PCDH15: variants seen among roughly 807,000 people sequenced by gnomAD.
PCDH15 encodes the protein protocadherin-15.
In PCDH15, 129 loss-of-function variants were observed where a neutral mutation model predicts 178.5. That is an observed-to-expected ratio of 0.72 (90% confidence interval 0.63 to 0.84). The LOEUF is 0.84. Among genes scored for constraint, PCDH15 ranks in the 40% least tolerant of loss-of-function variants. The pLI, the probability that PCDH15 is intolerant of heterozygous loss-of-function variation, is 0.00. For synonymous variants in PCDH15, 800 were observed against 732.0 expected, an observed-to-expected ratio of 1.09 and a Z score of -1.50; for missense variants, 2,230 against 2,099.9, an observed-to-expected ratio of 1.06 and a Z score of -1.21.
chr10:54,024,599 T>C (rs2093026836), intron 18 of PCDH15, among the ~76,000 whole-genome samples: 1 of 152,168 alleles, frequency 6.6e-6, no homozygotes, highest in Non-Finnish European at 1.5e-5. Context: ...GCAGGATTTG[T>C]CTCTTTGACT....
intron 5 of PCDH15, among the ~76,000 whole-genome samples, chr10:54,351,574 T>C (rs1944188754): frequency 1.3e-5 from 2 of 152,164 alleles, no homozygotes; most frequent in Admixed American, 6.6e-5. Context: ...TATTTTAATA[T>C]ACTAAATCCT....
intron 2 of PCDH15, among the ~76,000 whole-genome samples, chr10:55,108,551 G>A (rs1206685497): frequency 1.3e-5 from 2 of 152,042 alleles, no homozygotes; most frequent in Non-Finnish European, 2.9e-5. Context: ...TAGTATTATG[G>A]TGTGTGATTA....
intron 8 of PCDH15, among the ~76,000 whole-genome samples, chr10:54,305,892 C>T (rs2133359027): frequency 6.6e-6 from 1 of 151,498 alleles, no homozygotes; most frequent in East Asian, 1.9e-4. Flanking sequence ...TGATAAAGGA[C>T]AGAAAAAAGA....
intron 2 of PCDH15, among the ~76,000 whole-genome samples, chr10:54,589,500 A>G (rs2133912590): frequency 6.6e-6 from 1 of 152,234 alleles, no homozygotes; most frequent in Non-Finnish European, 1.5e-5. Context: ...TTGGCATATT[A>G]TATGAACTCT....
chr10:55,436,949 A>C (rs1025122732), intron 2 of PCDH15, among the ~76,000 whole-genome samples: 2 of 152,214 alleles, frequency 1.3e-5, no homozygotes, highest in Non-Finnish European at 2.9e-5. Context: ...GATTTCTGTC[A>C]CATCTTAATT....
At chr10:53,982,593 T>C (rs1333478210) in intron 21 of PCDH15, among the ~76,000 whole-genome samples, 1 of 144,910 alleles carries the variant, frequency 6.9e-6, no homozygotes, top group Non-Finnish European at 1.5e-5. Flanking sequence ...CACCGCATGT[T>C]CTCACTCATA....
intron 3 of PCDH15, among the ~76,000 whole-genome samples, chr10:54,861,963 C>A (rs2131781237): frequency 6.6e-6 from 1 of 152,194 alleles, no homozygotes; most frequent in South Asian, 2.1e-4. Flanking sequence ...TTAGGAGTAT[C>A]CTTGACAAGA....
At chr10:54,231,319 T>C (rs1297817726) in intron 9 of PCDH15, among the ~76,000 whole-genome samples, 3 of 152,228 alleles carry the variant, frequency 2.0e-5, no homozygotes, top group African/African-American at 7.2e-5. Context: ...CTTGGCAGCT[T>C]CCATGTGATG....
rs1476201833 is a variant in PCDH15, at chr10:54,904,992, C to T, written c.-79-7492G>A. Reference sequence around the variant, plus strand: ...CTATGTATCAGGCATTCTCTATTACCTATTTTCGTTCTGGCCACACAACTA... The same window carrying T: ...CTATGTATCAGGCATTCTCTATTACTTATTTTCGTTCTGGCCACACAACTA... On this transcript the variant is annotated intron_variant, in intron 2 of 5. Coordinates refer to the PCDH15 transcript ENST00000458638. Among the ~76,000 whole-genome samples, 4 of 151,658 alleles carry T rather than the reference C, an allele frequency of 2.6e-5. No homozygotes were observed. In the Admixed American group the frequency reaches 2.6e-4, roughly 10 times the overall value.
intron 2 of PCDH15, among the ~76,000 whole-genome samples, chr10:55,060,504 G>T (rs1462030823): frequency 6.6e-6 from 1 of 151,862 alleles, no homozygotes; most frequent in Non-Finnish European, 1.5e-5. Flanking sequence ...CTAATTTTGT[G>T]AAAGGACCAA....
In PCDH15 at chr10:55,273,089, T is replaced by C. The variant is rs754825690; in HGVS notation, c.-156+46510A>G. ...TGGTGATACTGATTTCAAAGTTGAA[T>C]GAAAAACTGTGAAAGAATGTTCCTG... On this transcript the variant is annotated intron_variant, in intron 1 of 5. Transcript: ENST00000458638. Among the ~76,000 whole-genome samples, 80 of 152,094 alleles carry C rather than the reference T, an allele frequency of 5.3e-4. 1 individual carries two copies. Among genetic ancestry groups the C allele is most frequent in the Non-Finnish European group, 5.6e-4 (38 of 68,018 alleles).
At chr10:55,119,527 T>C (rs1395931991) in intron 2 of PCDH15, among the ~76,000 whole-genome samples, 1 of 131,732 alleles carries the variant, frequency 7.6e-6, no homozygotes, top group Non-Finnish European at 1.5e-5. Context: ...ACCTAATTAA[T>C]TGCACCTGGA....
At chr10:54,847,320 G>T (rs935290315) in intron 3 of PCDH15, among the ~76,000 whole-genome samples, 1 of 152,042 alleles carries the variant, frequency 6.6e-6, no homozygotes, top group Non-Finnish European at 1.5e-5. Flanking sequence ...ATTTTAGAAT[G>T]TTACTTTGAG....
intron 3 of PCDH15, among the ~76,000 whole-genome samples, chr10:54,838,437 A>G (rs899492498): frequency 6.6e-6 from 1 of 152,062 alleles, no homozygotes; most frequent in Non-Finnish European, 1.5e-5. Flanking sequence ...CTTCTCCTTC[A>G]TCTTCTGCCA....
chr10:55,194,723 A>T (rs1164703232), intron 1 of PCDH15, among the ~76,000 whole-genome samples: 2 of 152,048 alleles, frequency 1.3e-5, no homozygotes, highest in African/African-American at 4.8e-5. Flanking sequence ...ATACCAAATA[A>T]CTAGACATAT....
chr10:53,890,805 A>G (rs955955457), intron 26 of PCDH15, among the ~76,000 whole-genome samples: 1 of 152,190 alleles, frequency 6.6e-6, no homozygotes, highest in Non-Finnish European at 1.5e-5. Flanking sequence ...AGTCTCTGCA[A>G]TTCTCAGATT....
intron 2 of PCDH15, among the ~76,000 whole-genome samples, chr10:55,481,965 T>C (rs1840191055): frequency 6.6e-6 from 1 of 151,756 alleles, no homozygotes. Flanking sequence ...TGGTAGTCTA[T>C]GTATCTTTGA....
intron 2 of PCDH15, among the ~76,000 whole-genome samples, chr10:54,529,588 C>T (rs2132699980): frequency 6.6e-6 from 1 of 152,202 alleles, no homozygotes; most frequent in East Asian, 1.9e-4. Context: ...CCTTCAATTA[C>T]ATGAATCCTC....
intron 2 of PCDH15, among the ~76,000 whole-genome samples, chr10:55,326,080 C>T (rs1262198102): frequency 6.6e-6 from 1 of 152,016 alleles, no homozygotes; most frequent in Non-Finnish European, 1.5e-5. Flanking sequence ...ATTAGAACAT[C>T]AAAAAATAAC....
Sources: gnomAD v4.1 joint callset for allele counts (sites outside exome capture counted in the v4.1 genomes callset) on GRCh38, gnomAD v4.1.1 for gene constraint, MANE v1.5 for transcripts, NCBI Gene and HGNC (gene_info 2026-07-23, HGNC 2026-07-21) for gene names.